Variants in GET3 observed in about 807,000 individuals in gnomAD.
GET3 encodes ATPase GET3.
GET3 carries 15 observed loss-of-function variants against 32.4 expected under a neutral mutation model. The ratio of observed to expected loss-of-function variants is 0.46; its 90% CI spans 0.31 to 0.71. GET3 has a LOEUF of 0.71. Among genes scored for constraint, GET3 ranks in the 30% least tolerant of loss-of-function variants. The pLI, the probability that GET3 is intolerant of heterozygous loss-of-function variation, is 0.05. For synonymous variants in GET3, 198 were observed against 185.6 expected, an observed-to-expected ratio of 1.07 and a Z score of -0.54; for missense variants, 333 against 459.0, an observed-to-expected ratio of 0.73 and a Z score of 2.51.
At chr19:12,744,082 G>A (rs1199573942) in intron 2 of GET3, among the ~76,000 whole-genome samples, 1 of 150,110 alleles carries the variant, frequency 6.7e-6, no homozygotes, top group African/African-American at 2.4e-5. Flanking sequence ...CAGGCATGGT[G>A]GGGCATGCCT....
At chr19:12,741,262 C>T (rs1967662294) in intron 2 of GET3, among the ~76,000 whole-genome samples, 1 of 150,780 alleles carries the variant, frequency 6.6e-6, no homozygotes. Context: ...TGAGACCAGC[C>T]TGGCTAACAG....
Position 12,745,770 on chromosome 19 carries a change from G to T in GET3, c.609+11G>T, listed in dbSNP as rs372709551. ...CCTTTCATCTCACAGGCAGGCGGCG[G>T]GGGCCCCCACCTGCACCATCCAGGC... On this transcript the variant is annotated intron_variant, in intron 4 of 6. Transcript: ENST00000357332. The surrounding 1 kb of genome is among the most constrained non-coding windows in gnomAD (Gnocchi z 5.0). 1.6e-5 allele frequency: 25 copies of T among 1,597,574 alleles called. No homozygotes were observed. In the African/African-American group the frequency reaches 3.3e-4, roughly 21 times the overall value.
At position 12,741,381 on chromosome 19, in the gene GET3, G is replaced by A. The variant is rs750784542; in HGVS notation, c.309+2723G>A. 5.3e-5 allele frequency among the ~76,000 whole-genome samples: 8 copies of A among 152,116 alleles called. No individual in the cohort carries two copies. The East Asian group carries it at 5.8e-4, about 11-fold the overall frequency. On this transcript the variant is annotated intron_variant, in intron 2 of 6. Transcript: ENST00000357332. Reference sequence around the variant, plus strand: ...TGAGGCAGGAGAATGGCGTGAACGCGGGAGGTGGAGCTTACAGTGAGCCTA... The same window carrying A: ...TGAGGCAGGAGAATGGCGTGAACGCAGGAGGTGGAGCTTACAGTGAGCCTA...
At chr19:12,741,010 A>G (rs766518966) in intron 2 of GET3, among the ~76,000 whole-genome samples, 6 of 152,188 alleles carry the variant, frequency 3.9e-5, no homozygotes, top group Non-Finnish European at 5.9e-5. Flanking sequence ...TCAAGTGCCC[A>G]TTGGAGATTT....
At chr19:12,744,964 C>T (rs150676830) in intron 2 of GET3, among the ~76,000 whole-genome samples, 2 of 152,026 alleles carry the variant, frequency 1.3e-5, no homozygotes, top group African/African-American at 2.4e-5. Context: ...GCAGGGGTGT[C>T]GGTGGATCTG....
In GET3 at chr19:12,738,386, A is replaced by C. The variant is rs8177469; in HGVS notation, c.162-125A>C. The C allele has an allele frequency of 4.6e-3, 5,243 of 1,135,010 alleles. 190 individuals carry two copies. The African/African-American group carries it at 0.073, about 16-fold the overall frequency. The allele number at this position is 1,135,010 out of a possible 1,614,324, so 70.3% of individuals were successfully genotyped here. On this transcript the variant is annotated intron_variant, in intron 1 of 6. Coordinates refer to ENST00000357332, the MANE Select transcript of GET3 (RefSeq NM_004317.4). The stretch of plus-strand genomic sequence containing the variant: ...GAGGCTCAATCCCACCATAACCCAT[A>C]CTCTCCTCTCAAGGCCCCTGCTGAT...
intron 4 of GET3, among the ~76,000 whole-genome samples, chr19:12,746,775 C>T (rs1186105888): frequency 6.6e-6 from 1 of 151,944 alleles, no homozygotes; most frequent in African/African-American, 2.4e-5. Context: ...TTCGCAAGGC[C>T]GAGGCAGGTG....
intron 2 of GET3, among the ~76,000 whole-genome samples, chr19:12,741,270 CAG>C (rs955105307): frequency 1.3e-5 from 2 of 149,474 alleles, no homozygotes; most frequent in Middle Eastern, 3.4e-3. Flanking sequence ...GCCTGGCTAA[CAG>C]GGTGAAACCC....
intron 2 of GET3, among the ~76,000 whole-genome samples, chr19:12,741,529 C>T (rs1175951246): frequency 1.3e-4 from 19 of 151,608 alleles, no homozygotes; most frequent in African/African-American, 4.1e-4. Context: ...GAGGCTGAGG[C>T]GGGCAGATCA....
rs375321554 is a variant in GET3, at chr19:12,742,823, A to C, written c.310-2554A>C. ...TGGCTTCCTAATACACTGGGATTAC[A>C]AGTGTGAGCTACCGCGCCCGGCCAA... On this transcript the variant is annotated intron_variant, in intron 2 of 6. Transcript: ENST00000357332. Among the ~76,000 whole-genome samples, 5 of 152,072 alleles carry C rather than the reference A, an allele frequency of 3.3e-5. 1 individual carries two copies. Among genetic ancestry groups the C allele is most frequent in the African/African-American group, 1.2e-4 (5 of 41,392 alleles).
intron 4 of GET3, among the ~76,000 whole-genome samples, chr19:12,746,795 A>T (rs974495063): frequency 6.6e-6 from 1 of 152,058 alleles, no homozygotes; most frequent in Non-Finnish European, 1.5e-5. Flanking sequence ...GGATTGCCTG[A>T]GGTCAGGAGT....
chr19:12,737,509 G>A lies in GET3; in HGVS notation c.4G>A (p.Ala2Thr), dbSNP rs767027366. M[A>T]AGVAGWGVEA... ...GATCACGTGAGCCAGTTCCAAAATG[G>A]CGGCAGGGGTGGCCGGGTGGGGGGT... Residue 2 changes from alanine (A) to threonine (T), a missense_variant, in exon 1 of 7, where the codon GCG becomes ACG. Ala to Thr is a moderately conservative substitution (Grantham distance 58). This residue lies in a region of GET3 where 64 missense variants were observed against 36.7 expected (regional missense o/e 1.74). Coordinates refer to ENST00000357332, the MANE Select transcript of GET3 (RefSeq NM_004317.4). 1.3e-6 allele frequency: 2 copies of A among 1,545,338 alleles called. No homozygotes were observed. Among genetic ancestry groups the A allele is most frequent in the East Asian group, 4.9e-5 (2 of 40,856 alleles).
chr19:12,744,369 G>C (rs748553444), intron 2 of GET3, among the ~76,000 whole-genome samples: 44 of 152,130 alleles, frequency 2.9e-4, no homozygotes, highest in Non-Finnish European at 5.0e-4. Flanking sequence ...ACCCAGGCTG[G>C]AGTGTAATGG....
chr19:12,738,343 G>T lies in GET3; in HGVS notation c.162-168G>T, dbSNP rs1350526647. Among the ~76,000 whole-genome samples the T allele has an allele frequency of 6.6e-6, 1 of 151,978 alleles. No homozygotes were observed. Among genetic ancestry groups the T allele is most frequent in the Non-Finnish European group, 1.5e-5 (1 of 67,976 alleles). ...AGGGGTCAGGAGATAAATCAGAGAG[G>T]GTTCCTTTGTAGGGACTGAGGCTCA... is the stretch of plus-strand genomic sequence containing the variant. On this transcript the variant is annotated intron_variant, in intron 1 of 6. Transcript: ENST00000357332.
At position 12,747,280 on chromosome 19, in the gene GET3, A is replaced by G; in HGVS notation, c.693A>G (p.Ser231=). The part of the protein sequence containing the change: ...KLEETLPVIR[S]VSEQFKDPEQ... ...AGGAGACGCTGCCCGTCATCCGCTC[A>G]GTCAGCGAACAGTTCAAGGACCCTG... The change falls in exon 5 of 7, where the codon TCA becomes TCG. Residue 231 remains serine (S), a synonymous_variant. Transcript: ENST00000357332. This position sits in a 1 kb window ranked among gnomAD's most constrained non-coding sequence, Gnocchi z 4.0. 1.2e-6 allele frequency: 2 copies of G among 1,611,882 alleles called. No homozygotes were observed. The highest frequency in any genetic ancestry group is 8.5e-7 in the Non-Finnish European group (1 of 1,178,718).
In GET3 at chr19:12,747,529, C is replaced by A; in HGVS notation, c.852C>A (p.Asp284Glu). The A allele has an allele frequency of 1.9e-6, 3 of 1,614,062 alleles. No individual in the cohort carries two copies. Among genetic ancestry groups the A allele is most frequent in the Non-Finnish European group, 2.5e-6 (3 of 1,180,006 alleles). The change falls in exon 6 of 7, where the codon GAC (aspartate) becomes GAA (glutamate). Residue 284 changes from aspartate to glutamate, a missense_variant. Asp to Glu is a conservative substitution (Grantham distance 45, BLOSUM62 2). This residue lies in a region of GET3 where 230 missense variants were observed against 389.2 expected (regional missense o/e 0.59). Coordinates refer to ENST00000357332, the MANE Select transcript of GET3 (RefSeq NM_004317.4). The surrounding 1 kb of genome is among the most constrained non-coding windows in gnomAD (Gnocchi z 4.0). The part of the protein sequence containing the change: ...NIIVNQLVFP[D>E]PEKPCKMCEA... ...TTGTCAACCAGCTCGTCTTCCCCGACCCCGAGAAGCCCTGCAAGATGTGTG... is the reference window on the plus strand; with the variant it reads ...TTGTCAACCAGCTCGTCTTCCCCGAACCCGAGAAGCCCTGCAAGATGTGTG...
rs773942668 is a variant in GET3 at position 12,737,498 on chromosome 19, G to A, written c.-8G>A. 3 of 1,535,508 alleles carry A rather than the reference G, an allele frequency of 2.0e-6. No individual in the cohort carries two copies. Among genetic ancestry groups the A allele is most frequent in the Non-Finnish European group, 2.6e-6 (3 of 1,142,648 alleles). ...GCGCTCCGCTGGATCACGTGAGCCA[G>A]TTCCAAAATGGCGGCAGGGGTGGCC... On this transcript the variant is annotated 5_prime_UTR_variant, in exon 1 of 7. Transcript: ENST00000357332.
Position 12,738,629 on chromosome 19 carries a change from G to C in GET3, c.280G>C (p.Val94Leu). Residue 94 changes from valine (V) to leucine (L), a missense_variant, in exon 2 of 7, where the codon GTC becomes CTC. Around this residue, in one of 3 missense-constraint regions of GET3, gnomAD observed 230 missense variants for 389.2 expected, o/e 0.59. Coordinates refer to ENST00000357332, the MANE Select transcript of GET3 (RefSeq NM_004317.4). ...DQKFSKVPTK[V>L]KGYDNLFAME... ...GAAGTTCTCAAAGGTGCCTACCAAGGTCAAAGGCTATGACAACCTCTTTGC... is the reference window on the plus strand; with the variant it reads ...GAAGTTCTCAAAGGTGCCTACCAAGCTCAAAGGCTATGACAACCTCTTTGC... 1 of 1,614,190 alleles carries C rather than the reference G, an allele frequency of 6.2e-7. No individual in the cohort carries two copies. The highest frequency in any genetic ancestry group is 1.3e-5 in the African/African-American group (1 of 75,034).
intron 2 of GET3, among the ~76,000 whole-genome samples, chr19:12,739,516 A>G (rs565839147): frequency 6.6e-6 from 1 of 152,354 alleles, no homozygotes; most frequent in Admixed American, 6.5e-5. Context: ...TGAGAAAAAG[A>G]AATGAATTGA....
Sources: gnomAD v4.1 joint callset for allele counts (sites outside exome capture counted in the v4.1 genomes callset) on GRCh38, gnomAD v4.1.1 for gene constraint, gnomAD v4.1.1 regional missense constraint, Gnocchi (gnomAD v3.1) non-coding constraint, MANE v1.5 for transcripts, NCBI Gene and HGNC (gene_info 2026-07-23, HGNC 2026-07-21) for gene names.